Variants in ZNF385B observed in about 807,000 individuals in gnomAD.
ZNF385B encodes the protein zinc finger protein 385B.
In ZNF385B, 23 loss-of-function variants were observed where a neutral mutation model predicts 39.2. The ratio of observed to expected loss-of-function variants is 0.59; its 90% CI spans 0.42 to 0.83. The LOEUF (loss-of-function observed/expected upper bound fraction) is 0.83. Among genes scored for constraint, ZNF385B ranks in the 40% least tolerant of loss-of-function variants. The probability of loss-of-function intolerance (pLI) is 0.00; values close to 1 mark genes in which losing one functional copy is unlikely to be tolerated. For synonymous variants in ZNF385B, 205 were observed against 222.6 expected (o/e 0.92, Z 0.70); for missense variants, 552 against 598.9 (o/e 0.92, Z 0.82).
At chr2:179,654,413 A>G (rs888992419) in intron 3 of ZNF385B, among the ~76,000 whole-genome samples, 1 of 152,138 alleles carries the variant, frequency 6.6e-6, no homozygotes, top group Non-Finnish European at 1.5e-5. Context: ...GGAGGATAGG[A>G]GCCTGTCACA....
At chr2:179,858,469 A>T (rs1283776747) in intron 1 of ZNF385B, among the ~76,000 whole-genome samples, 1 of 152,310 alleles carries the variant, frequency 6.6e-6, no homozygotes, top group East Asian at 1.9e-4. Context: ...TAATAAAAAG[A>T]AACAACTGAA....
At chr2:179,559,604 T>C (rs561455437) in intron 3 of ZNF385B, among the ~76,000 whole-genome samples, 18 of 152,228 alleles carry the variant, frequency 1.2e-4, no homozygotes, top group Non-Finnish European at 2.2e-4. Flanking sequence ...TTTTTTAACA[T>C]AGTCATCAAA....
intron 3 of ZNF385B, among the ~76,000 whole-genome samples, chr2:179,613,420 A>G (rs959519021): frequency 6.6e-6 from 1 of 152,022 alleles, no homozygotes; most frequent in Admixed American, 6.6e-5. Flanking sequence ...GGCAAGTACT[A>G]CCTGGGTCAC....
intron 3 of ZNF385B, among the ~76,000 whole-genome samples, chr2:179,614,301 T>C (rs1223063082): frequency 7.5e-6 from 1 of 134,056 alleles, no homozygotes; most frequent in East Asian, 2.1e-4. Context: ...CTTGCTCCAC[T>C]TCTGTATTTT....
Position 179,770,625 on chromosome 2 carries a change from GC to G in ZNF385B, c.-108del, listed in dbSNP as rs1703959677. On this transcript the variant is annotated 5_prime_UTR_variant, in exon 2 of 10. It removes the in-frame stop codon of an upstream open reading frame in the 5' UTR. Transcript: ENST00000410066. Reference sequence around the variant, plus strand: ...AAACTGTTTTTCGGTTTCCAGGTTAGCCCATAAACATCAATTTAATATTTGA... The same window carrying G: ...AAACTGTTTTTCGGTTTCCAGGTTAGCCATAAACATCAATTTAATATTTGA... 1 of 152,166 alleles carries G rather than the reference GC, an allele frequency of 6.6e-6. No individual in the cohort carries two copies. The highest frequency in any genetic ancestry group is 2.4e-5 in the African/African-American group (1 of 41,444). The allele number at this position is 152,166 out of a possible 1,614,324, so 9.4% of individuals were successfully genotyped here. A position where few individuals can be genotyped will look rare whatever the true frequency, so the allele number is the denominator to read the frequency against.
At chr2:179,493,619 A>C (rs2055592745) in intron 5 of ZNF385B, among the ~76,000 whole-genome samples, 1 of 99,978 alleles carries the variant, frequency 1.0e-5, no homozygotes, top group Non-Finnish European at 2.1e-5. Context: ...GTACGTACAT[A>C]TATGTATACG....
At chr2:179,551,121 G>T (rs1433719738) in intron 3 of ZNF385B, among the ~76,000 whole-genome samples, 1 of 151,710 alleles carries the variant, frequency 6.6e-6, no homozygotes, top group East Asian at 1.9e-4. Flanking sequence ...TATATAATCT[G>T]GTATATATCA....
At chr2:179,639,927 A>G (rs1441432054) in intron 3 of ZNF385B, among the ~76,000 whole-genome samples, 3 of 152,194 alleles carry the variant, frequency 2.0e-5, no homozygotes, top group Non-Finnish European at 4.4e-5. Context: ...CATCTTACAT[A>G]CTCTGAGAAT....
intron 6 of ZNF385B, among the ~76,000 whole-genome samples, chr2:179,472,581 A>AT (rs2052897331): frequency 6.6e-6 from 1 of 152,336 alleles, no homozygotes; most frequent in Non-Finnish European, 1.5e-5. Flanking sequence ...ACAAGCATGT[A>AT]TTTTTTAGAA....
chr2:179,612,584 T>C (rs1689379207), intron 3 of ZNF385B, among the ~76,000 whole-genome samples: 1 of 152,200 alleles, frequency 6.6e-6, no homozygotes, highest in Non-Finnish European at 1.5e-5. Flanking sequence ...CACAAACTAA[T>C]GGAGTCTCTC....
chr2:179,737,597 T>C (rs1199721218), intron 3 of ZNF385B, among the ~76,000 whole-genome samples: 11 of 152,192 alleles, frequency 7.2e-5, no homozygotes, highest in African/African-American at 2.2e-4. Flanking sequence ...TAACAACAGC[T>C]GAATTTATTG....
rs181585166 is a variant in ZNF385B, at chr2:179,513,732, C to T, written c.552+4796G>A. Among the ~76,000 whole-genome samples the T allele has an allele frequency of 6.6e-5, 10 of 152,306 alleles. No individual in the cohort carries two copies. The East Asian group carries it at 1.9e-3, about 29-fold the overall frequency. On this transcript the variant is annotated intron_variant, in intron 5 of 9. Coordinates refer to ENST00000410066, the MANE Select transcript of ZNF385B (RefSeq NM_152520.6). The stretch of plus-strand genomic sequence containing the variant: ...TTTTAATTATGGAACTTCAATGGTC[C>T]TTCCAAAGATCATGTGGTTCATTTT...
At chr2:179,853,932 G>T (rs1281601524) in intron 1 of ZNF385B, among the ~76,000 whole-genome samples, 1 of 152,180 alleles carries the variant, frequency 6.6e-6, no homozygotes, top group Non-Finnish European at 1.5e-5. Context: ...TTTAGGCTCT[G>T]CTATTTCCCA....
intron 3 of ZNF385B, among the ~76,000 whole-genome samples, chr2:179,626,459 C>A (rs1690672352): frequency 6.6e-6 from 1 of 152,126 alleles, no homozygotes; most frequent in South Asian, 2.1e-4. Flanking sequence ...ATGATTCATG[C>A]AACTCTTCCT....
intron 6 of ZNF385B, among the ~76,000 whole-genome samples, chr2:179,461,005 T>C (rs191517575): frequency 7.2e-5 from 11 of 152,314 alleles, no homozygotes; most frequent in African/African-American, 2.6e-4. Context: ...AATTACAATA[T>C]TTAACAGATA....
chr2:179,445,078 A>T (rs1175082963), intron 8 of ZNF385B, 101 bp from the exon 9 acceptor site: 1 of 976,774 alleles, frequency 1.0e-6, no homozygotes, highest in African/African-American at 1.6e-5. Context: ...CTCTAGGTCC[A>T]TAGTTCCACG....
intron 5 of ZNF385B, among the ~76,000 whole-genome samples, chr2:179,485,885 T>C (rs2054517569): frequency 6.6e-6 from 1 of 152,194 alleles, no homozygotes; most frequent in Non-Finnish European, 1.5e-5. Flanking sequence ...GTCTATAGCC[T>C]TTTACTGACT....
chr2:179,855,892 AG>A (rs1684554690), intron 1 of ZNF385B, among the ~76,000 whole-genome samples: 1 of 152,204 alleles, frequency 6.6e-6, no homozygotes, highest in Non-Finnish European at 1.5e-5. Flanking sequence ...TTGAAAGCCA[AG>A]GAAGTTAAGT....
chr2:179,696,590 A>G (rs570750625), intron 3 of ZNF385B, among the ~76,000 whole-genome samples: 60 of 152,166 alleles, frequency 3.9e-4, no homozygotes, highest in African/African-American at 1.4e-3. Context: ...TCCCATGCAC[A>G]GTAGCCCCTA....
Sources: gnomAD v4.1 joint callset for allele counts (sites outside exome capture counted in the v4.1 genomes callset) on GRCh38, gnomAD v4.1.1 for gene constraint, MANE v1.5 for transcripts, NCBI Gene and HGNC (gene_info 2026-07-23, HGNC 2026-07-21) for gene names.